The following MDFI variants were observed in gnomAD, a reference collection of about 807,000 sequenced individuals.
MDFI encodes the protein MyoD family inhibitor.
Under a neutral mutation model 22.3 loss-of-function variants are expected in MDFI, and 16 were observed. The ratio of observed to expected loss-of-function variants is 0.72; its 90% CI spans 0.49 to 1.09. MDFI has a LOEUF of 1.09. Among genes scored for constraint, MDFI ranks in the 50% least tolerant of loss-of-function variants. MDFI has a pLI of 0.00. For missense variants in MDFI, 314 were observed against 326.1 expected (o/e 0.96, Z 0.29); for synonymous variants, 145 against 142.7 (o/e 1.02, Z -0.12).
At chr6:41,648,024 C>T (rs192279348) in intron 3 of MDFI, among the ~76,000 whole-genome samples, 2 of 122,304 alleles carry the variant, frequency 1.6e-5, no homozygotes, top group East Asian at 2.4e-4. Context: ...GGCCTGGGCA[C>T]GGAGCTAGAC....
chr6:41,649,562 C>T, intron 3 of MDFI, 57 bp from the exon 4 acceptor site: 3 of 1,441,422 alleles, frequency 2.1e-6, no homozygotes, highest in East Asian at 4.6e-5. Context: ...GAGCATAGCT[C>T]TGGGGGCCGA....
Position 41,653,741 on chromosome 6 carries a change from G to A in MDFI, c.*166G>A, listed in dbSNP as rs1386018026. On this transcript the variant is annotated 3_prime_UTR_variant, in exon 5 of 5. Transcript: ENST00000230321. The surrounding 1 kb of genome is among the most constrained non-coding windows in gnomAD (Gnocchi z 4.2). ...CAGAACCCCAGCCTTGAAAATAGTG[G>A]GGGGCACTCAGAGGGGCCACCTCCT... 1.1e-6 allele frequency: 1 copy of A among 896,596 alleles called. No individual in the cohort carries two copies. Among genetic ancestry groups the A allele is most frequent in the African/African-American group, 1.7e-5 (1 of 59,592 alleles). 55.5% of individuals were successfully genotyped at this position (896,596 alleles called of 1,614,324 possible).
chr6:41,652,794 T>G (rs1345020922), intron 4 of MDFI, among the ~76,000 whole-genome samples: 1 of 152,102 alleles, frequency 6.6e-6, no homozygotes, highest in East Asian at 1.9e-4. Flanking sequence ...TTTTTTGTAT[T>G]TTTAATAGAG....
At chr6:41,644,010 G>A (rs1375600766) in intron 2 of MDFI, among the ~76,000 whole-genome samples, 7 of 152,046 alleles carry the variant, frequency 4.6e-5, no homozygotes, top group African/African-American at 1.4e-4. Flanking sequence ...GAGCTAGGCA[G>A]GCCCCTGGTT....
intron 2 of MDFI, chr6:41,639,190 G>A (rs1427621570): frequency 3.0e-5 from 29 of 965,474 alleles, no homozygotes; most frequent in Non-Finnish European, 3.6e-5. Context: ...TGGGGGCCTG[G>A]TGTGGGGGAG....
intron 2 of MDFI, among the ~76,000 whole-genome samples, chr6:41,645,444 T>C (rs182547990): frequency 1.6e-4 from 25 of 152,114 alleles, no homozygotes; most frequent in African/African-American, 6.0e-4. Flanking sequence ...CTCCTTGTCC[T>C]CCTCCTGACT....
At chr6:41,640,065 T>C (rs1767793794) in intron 2 of MDFI, 2 of 529,004 alleles carry the variant, frequency 3.8e-6, no homozygotes, top group Non-Finnish European at 4.8e-6. Flanking sequence ...CTGCTGTCTC[T>C]GTGGGGCCCC....
chr6:41,639,280 C>T (rs945540310), intron 2 of MDFI: 1 of 985,264 alleles, frequency 1.0e-6, no homozygotes, highest in African/African-American at 1.7e-5. Flanking sequence ...CTTTTGTCTG[C>T]CGCGAGCGGC....
At chr6:41,646,927 A>G (rs1768074154) in intron 3 of MDFI, among the ~76,000 whole-genome samples, 1 of 152,218 alleles carries the variant, frequency 6.6e-6, no homozygotes, top group South Asian at 2.1e-4. Context: ...GCAATGAGGC[A>G]GCAGGATGGC....
rs796428522 is a variant in MDFI, at chr6:41,638,553, G to C, written c.-111G>C. On this transcript the variant is annotated 5_prime_UTR_variant, in exon 1 of 5. Coordinates refer to ENST00000230321, the MANE Select transcript of MDFI (RefSeq NM_005586.4). The surrounding 1 kb of genome is among the most constrained non-coding windows in gnomAD (Gnocchi z 7.6). ...GGGAAGGGGCGCCAGGCGAGCACCCGGGAGCCAGCGGGACCTGGGCAGGGG... is the reference window on the plus strand; with the variant it reads ...GGGAAGGGGCGCCAGGCGAGCACCCCGGAGCCAGCGGGACCTGGGCAGGGG... 5.3e-6 allele frequency: 3 copies of C among 561,470 alleles called. No homozygotes were observed. The African/African-American group carries it at 6.0e-5, about 11-fold the overall frequency. 34.8% of individuals were successfully genotyped at this position (561,470 alleles called of 1,614,324 possible).
chr6:41,645,718 A>G (rs998045143), intron 2 of MDFI, among the ~76,000 whole-genome samples: 51 of 151,488 alleles, frequency 3.4e-4, no homozygotes, highest in Non-Finnish European at 5.7e-4. Context: ...CCGATGCTCT[A>G]TCTCCCTTTA....
rs769037960 is a variant in MDFI at position 41,646,250 on chromosome 6, T to G, written c.201T>G (p.Pro67=). 6.3e-7 allele frequency: 1 copy of G among 1,576,894 alleles called. No homozygotes were observed. Among genetic ancestry groups the G allele is most frequent in the East Asian group, 2.4e-5 (1 of 41,890 alleles). ...AATPMPQGNG[P]GIPQGLDSTD... is the part of the protein sequence containing the mutation. ...CCCCCATGCCCCAAGGCAATGGCCC[T>G]GGCATCCCCCAGGGCCTGGACAGCA... Residue 67 remains proline (P), a synonymous_variant, in exon 3 of 5, where the codon CCT becomes CCG. Transcript: ENST00000230321.
In MDFI at chr6:41,646,038, G is replaced by A. The variant is rs985367893; in HGVS notation, c.77-88G>A. On this transcript the variant is annotated intron_variant, in intron 2 of 4. Coordinates refer to ENST00000230321, the MANE Select transcript of MDFI (RefSeq NM_005586.4). ...ACAGACAAAGAATGAGGGTTCAGTG[G>A]GCATGCTGGGCTGTGGGGCGGGGCC... 5 of 1,182,452 alleles carry A rather than the reference G, an allele frequency of 4.2e-6. No homozygotes were observed. The Admixed American group carries it at 1.5e-4, about 35-fold the overall frequency. The allele number at this position is 1,182,452 out of a possible 1,614,324, so 73.2% of individuals were successfully genotyped here.
In MDFI at chr6:41,649,748, T is replaced by G; in HGVS notation, c.389T>G (p.Leu130Trp). The G allele has an allele frequency of 6.2e-7, 1 of 1,614,060 alleles. No individual in the cohort carries two copies. The highest frequency in any genetic ancestry group is 1.1e-5 in the South Asian group (1 of 91,082). The change falls in exon 4 of 5, where the codon TTG (leucine) becomes TGG (tryptophan). Residue 130 changes from leucine (L) to tryptophan (W), a missense_variant. Transcript: ENST00000230321. ...GGTGGCCCCAAGGCCCACCGGAAGT[T>G]GCAGACACACCCATCTCTCGCCAGC... is the stretch of plus-strand genomic sequence containing the variant. ...ALGGPKAHRK[L>W]QTHPSLASQG...
At chr6:41,646,416 T>C (rs1768055441) in intron 3 of MDFI, 108 bp downstream of exon 3, 17 of 998,484 alleles carry the variant, frequency 1.7e-5, no homozygotes, top group Non-Finnish European at 2.3e-5. Flanking sequence ...GCCAGAACCT[T>C]GAGTGTGGCA....
chr6:41,638,269 T>A (rs2127423887), upstream of MDFI: 1 of 158,406 alleles, frequency 6.3e-6, no homozygotes, highest in African/African-American at 2.4e-5. This position sits in a 1 kb window ranked among gnomAD's most constrained non-coding sequence, Gnocchi z 7.6. Flanking sequence ...CCAGCCGGCT[T>A]CCTGTGGGGG....
At chr6:41,650,100 C>T in intron 4 of MDFI, 1 of 449,410 alleles carries the variant, frequency 2.2e-6, no homozygotes, top group Non-Finnish European at 3.9e-6. Flanking sequence ...CTCAAGGCCA[C>T]CTCCCCACCC....
chr6:41,644,513 C>T (rs1767975542), intron 2 of MDFI, among the ~76,000 whole-genome samples: 1 of 151,144 alleles, frequency 6.6e-6, no homozygotes, highest in South Asian at 2.1e-4. Context: ...GGACCAGACC[C>T]CTTGGAACAA....
At chr6:41,645,301 A>G (rs186094817) in intron 2 of MDFI, among the ~76,000 whole-genome samples, 1 of 151,466 alleles carries the variant, frequency 6.6e-6, no homozygotes, top group African/African-American at 2.4e-5. Flanking sequence ...CCCTGAGCCT[A>G]GGGGCCCTAG....
Sources: gnomAD v4.1 joint callset for allele counts (sites outside exome capture counted in the v4.1 genomes callset) on GRCh38, gnomAD v4.1.1 for gene constraint, Gnocchi (gnomAD v3.1) non-coding constraint, MANE v1.5 for transcripts, NCBI Gene and HGNC (gene_info 2026-07-23, HGNC 2026-07-21) for gene names.